PCDH9: variants seen among roughly 807,000 people sequenced by gnomAD.
PCDH9 encodes protocadherin-9.
PCDH9 carries 24 observed loss-of-function variants against 70.6 expected under a neutral mutation model. The ratio of observed to expected loss-of-function variants is 0.34; its 90% CI spans 0.25 to 0.48. PCDH9 has a LOEUF of 0.48. Among genes scored for constraint, PCDH9 ranks in the 20% least tolerant of loss-of-function variants. The pLI is 0.99. For missense variants in PCDH9, 1,281 were observed against 1,503.6 expected (o/e 0.85, Z 2.45); for synonymous variants, 562 against 558.5 (o/e 1.01, Z -0.09).
intron 2 of PCDH9, among the ~76,000 whole-genome samples, chr13:66,954,115 T>C (rs140102432): frequency 2.9e-3 from 439 of 152,276 alleles, no homozygotes; most frequent in African/African-American, 9.6e-3. Context: ...ATCTACCAAG[T>C]ATCAGGAGCT....
intron 4 of PCDH9, among the ~76,000 whole-genome samples, chr13:66,334,766 C>CA (rs780092204): frequency 1.1e-4 from 17 of 151,860 alleles, no homozygotes; most frequent in Non-Finnish European, 2.4e-4. Flanking sequence ...ACTCAGGGCA[C>CA]AAAATTATAT....
intron 2 of PCDH9, among the ~76,000 whole-genome samples, chr13:67,079,217 AC>A (rs2085937247): frequency 6.6e-6 from 1 of 152,152 alleles, no homozygotes; most frequent in African/African-American, 2.4e-5. Context: ...TTTGTAGAGT[AC>A]AAAAAGCATG....
intron 2 of PCDH9, among the ~76,000 whole-genome samples, chr13:67,092,686 C>T (rs868567467): frequency 1.3e-5 from 2 of 152,152 alleles, no homozygotes; most frequent in South Asian, 2.1e-4. Flanking sequence ...GGTACTAAAC[C>T]GCATGATTTC....
intron 2 of PCDH9, among the ~76,000 whole-genome samples, chr13:67,061,054 G>A (rs2085529703): frequency 6.6e-6 from 1 of 151,964 alleles, no homozygotes; most frequent in African/African-American, 2.4e-5. Context: ...TTTAATTACT[G>A]CTTTTGTACT....
In PCDH9 at chr13:66,700,923, A is replaced by AACATATAT. The variant is rs1425269335; in HGVS notation, c.3139-69513_3139-69512insATATATGT. On this transcript the variant is annotated intron_variant, in intron 3 of 4. Coordinates refer to ENST00000377865, the MANE Select transcript of PCDH9 (RefSeq NM_203487.3). ...ATGAAAATATATGTGTGTACATATA[A>AACATATAT]ATATATATATATATATATATATATA... Among the ~76,000 whole-genome samples, 141 of 58,454 alleles carry AACATATAT rather than the reference A, an allele frequency of 2.4e-3. 4 individuals are homozygous for AACATATAT. The highest frequency in any genetic ancestry group is 4.0e-3 in the Non-Finnish European group (123 of 30,772). 38.3% of individuals were successfully genotyped at this position (58,454 alleles called of 152,430 possible). A position where few individuals can be genotyped will look rare whatever the true frequency, so the allele number is the denominator to read the frequency against.
At chr13:67,154,575 C>CAAA (rs753995213) in intron 2 of PCDH9, among the ~76,000 whole-genome samples, 2,588 of 37,224 alleles carry the variant, frequency 0.07, 251 homozygotes, top group East Asian at 0.12. Flanking sequence ...GACCCTGTCT[C>CAAA]AAAAAAAAAA....
intron 3 of PCDH9, among the ~76,000 whole-genome samples, chr13:66,710,071 A>C (rs1000823076): frequency 1.4e-4 from 22 of 152,186 alleles, no homozygotes; most frequent in Non-Finnish European, 1.5e-4. Flanking sequence ...AGAAGTTTAC[A>C]AAAAGGAATA....
At chr13:66,935,796 T>A (rs904975589) in intron 2 of PCDH9, among the ~76,000 whole-genome samples, 1 of 152,048 alleles carries the variant, frequency 6.6e-6, no homozygotes, top group Non-Finnish European at 1.5e-5. Flanking sequence ...AAATATATTT[T>A]GCAGCCGGGC....
At chr13:66,386,712 T>C (rs1161317958) in intron 4 of PCDH9, among the ~76,000 whole-genome samples, 1 of 152,140 alleles carries the variant, frequency 6.6e-6, no homozygotes, top group African/African-American at 2.4e-5. Flanking sequence ...AATTCTGAAT[T>C]AACAAAATTG....
intron 2 of PCDH9, among the ~76,000 whole-genome samples, chr13:67,119,132 A>G (rs1190047518): frequency 6.6e-6 from 1 of 152,118 alleles, no homozygotes; most frequent in Non-Finnish European, 1.5e-5. Context: ...CCATCCTAAA[A>G]TCTATTATGG....
intron 3 of PCDH9, among the ~76,000 whole-genome samples, chr13:66,635,545 A>G (rs1456586297): frequency 6.6e-6 from 1 of 152,122 alleles, no homozygotes; most frequent in African/African-American, 2.4e-5. Context: ...TTTGAGAAAT[A>G]TCACCAAGAA....
rs1482824267 is a variant in PCDH9 at position 67,028,420 on chromosome 13, G to A, written c.3037-124815C>T. On this transcript the variant is annotated intron_variant, in intron 2 of 4. Transcript: ENST00000377865. Reference sequence around the variant, plus strand: ...ACATCACACTCTGGGAACTGCTGTGGGGTGGGGGGAGGGGGGAGGGATAGC... The same window carrying A: ...ACATCACACTCTGGGAACTGCTGTGAGGTGGGGGGAGGGGGGAGGGATAGC... Among the ~76,000 whole-genome samples the A allele has an allele frequency of 9.9e-5, 11 of 110,946 alleles. 1 individual carries two copies. The highest frequency in any genetic ancestry group is 9.3e-4 in the Admixed American group (8 of 8,628). 72.8% of individuals were successfully genotyped at this position (110,946 alleles called of 152,430 possible).
chr13:66,637,399 T>C (rs915400186), intron 3 of PCDH9, among the ~76,000 whole-genome samples: 45 of 152,324 alleles, frequency 3.0e-4, no homozygotes, highest in African/African-American at 1.1e-3. Context: ...GTGTTCATTC[T>C]CAAGAATAAT....
chr13:66,305,072 A>G, intron 4 of PCDH9, 44 bp from the exon 5 acceptor site: 1 of 1,510,728 alleles, frequency 6.6e-7, no homozygotes, highest in Non-Finnish European at 8.9e-7. Flanking sequence ...GAAGTGGTTA[A>G]AATTTTCAAT....
intron 4 of PCDH9, among the ~76,000 whole-genome samples, chr13:66,586,297 T>C (rs982316399): frequency 1.3e-5 from 2 of 149,264 alleles, no homozygotes; most frequent in African/African-American, 2.5e-5. Flanking sequence ...GAGAGAGAGA[T>C]ACATTAAATA....
intron 3 of PCDH9, among the ~76,000 whole-genome samples, chr13:66,852,896 A>AT (rs953200880): frequency 6.0e-5 from 9 of 150,968 alleles, no homozygotes; most frequent in Admixed American, 1.3e-4. Context: ...ATATCTATAC[A>AT]TTTTTTTTTA....
chr13:66,585,434 TG>T (rs1390672042), intron 4 of PCDH9, among the ~76,000 whole-genome samples: 1 of 152,154 alleles, frequency 6.6e-6, no homozygotes, highest in African/African-American at 2.4e-5. Flanking sequence ...TTCTTATCTC[TG>T]CATTCCTGAG....
intron 3 of PCDH9, among the ~76,000 whole-genome samples, chr13:66,699,040 G>A (rs1475705793): frequency 6.6e-6 from 1 of 151,434 alleles, no homozygotes. Flanking sequence ...TCAGCCTCCG[G>A]AGTAGCTGAA....
chr13:67,192,023 G>T (rs1045084494), intron 2 of PCDH9, among the ~76,000 whole-genome samples: 1 of 151,572 alleles, frequency 6.6e-6, no homozygotes, highest in Admixed American at 6.6e-5. Flanking sequence ...AAAACATGTT[G>T]TACAAGTGTA....
Sources: allele counts gnomAD v4.1 joint callset (sites outside exome capture counted in the v4.1 genomes callset), GRCh38; gene constraint gnomAD v4.1.1; transcripts MANE v1.5; gene names NCBI Gene and HGNC (gene_info 2026-07-23, HGNC 2026-07-21).